The following ADAMTS17 variants were observed in gnomAD, a reference collection of about 807,000 sequenced individuals.
ADAMTS17 encodes the protein A disintegrin and metalloproteinase with thrombospondin motifs 17.
ADAMTS17 carries 113 observed loss-of-function variants against 141.5 expected under a neutral mutation model. The ratio of observed to expected loss-of-function variants is 0.80; its 90% CI spans 0.69 to 0.93. The LOEUF is 0.93. ADAMTS17 is among the 40% of genes least tolerant of loss of function. ADAMTS17 has a pLI of 0.00. For missense variants in ADAMTS17, 1,659 were observed against 1,517.9 expected (o/e 1.09, Z -1.54); for synonymous variants, 768 against 630.6 (o/e 1.22, Z -3.27).
intron 3 of ADAMTS17, among the ~76,000 whole-genome samples, chr15:100,288,751 C>T (rs2044531752): frequency 1.3e-5 from 2 of 152,068 alleles, no homozygotes; most frequent in South Asian, 4.1e-4. Flanking sequence ...ATTAAACAAG[C>T]TGCACCTGGA....
intron 7 of ADAMTS17, among the ~76,000 whole-genome samples, chr15:100,246,867 T>TTA: frequency 6.8e-6 from 1 of 146,596 alleles, no homozygotes; most frequent in Non-Finnish European, 1.5e-5. Context: ...GCCCTTTTAT[T>TTA]TTTATTTATT....
intron 3 of ADAMTS17, among the ~76,000 whole-genome samples, chr15:100,327,569 T>C (rs1034146931): frequency 6.6e-6 from 1 of 152,220 alleles, no homozygotes; most frequent in Admixed American, 6.5e-5. Flanking sequence ...GGAAGATTCA[T>C]AGTTACTTAA....
intron 8 of ADAMTS17, among the ~76,000 whole-genome samples, chr15:100,198,380 C>G (rs2041199923): frequency 6.6e-6 from 1 of 152,188 alleles, no homozygotes; most frequent in Non-Finnish European, 1.5e-5. Flanking sequence ...TAAACACTGA[C>G]TTTACTCTCG....
chr15:100,088,192 A>G (rs1011313056), intron 15 of ADAMTS17, among the ~76,000 whole-genome samples: 2 of 152,174 alleles, frequency 1.3e-5, no homozygotes, highest in South Asian at 2.1e-4. Context: ...TTATACACCA[A>G]TAACAGACAA....
At chr15:100,291,231 T>C (rs1237258646) in intron 3 of ADAMTS17, among the ~76,000 whole-genome samples, 1 of 152,150 alleles carries the variant, frequency 6.6e-6, no homozygotes, top group Non-Finnish European at 1.5e-5. Context: ...ACGTGGCCAA[T>C]AACCATATGA....
intron 4 of ADAMTS17, among the ~76,000 whole-genome samples, chr15:100,265,255 G>A (rs894772282): frequency 5.9e-5 from 9 of 152,158 alleles, no homozygotes; most frequent in African/African-American, 7.2e-5. Context: ...ACAATCCGAC[G>A]ACAGCCACAA....
chr15:100,125,045 G>T (rs1012039474), intron 12 of ADAMTS17, among the ~76,000 whole-genome samples: 1 of 152,218 alleles, frequency 6.6e-6, no homozygotes, highest in African/African-American at 2.4e-5. Flanking sequence ...AGACAGACCA[G>T]AAGATAAAGT....
At chr15:100,096,849 T>G (rs2035792162) in intron 14 of ADAMTS17, among the ~76,000 whole-genome samples, 1 of 152,322 alleles carries the variant, frequency 6.6e-6, no homozygotes. Flanking sequence ...GCAGCCACAA[T>G]TTCTCATGAT....
chr15:100,221,738 C>T (rs1259756300), intron 7 of ADAMTS17, among the ~76,000 whole-genome samples: 1 of 152,190 alleles, frequency 6.6e-6, no homozygotes, highest in Non-Finnish European at 1.5e-5. Context: ...GCCTCTGGGA[C>T]AGGTTTGCCG....
At chr15:100,118,032 T>C (rs917168107) in intron 12 of ADAMTS17, among the ~76,000 whole-genome samples, 2 of 152,194 alleles carry the variant, frequency 1.3e-5, no homozygotes, top group Admixed American at 1.3e-4. Context: ...CACCCTGTGA[T>C]TGGTGCTTTA....
chr15:100,005,404 CTG>C (rs1165345370), intron 18 of ADAMTS17, among the ~76,000 whole-genome samples: 2 of 152,196 alleles, frequency 1.3e-5, no homozygotes, highest in Non-Finnish European at 2.9e-5. Flanking sequence ...AGGGAAGAAT[CTG>C]TCTCCTGCCT....
chr15:100,275,046 A>G (rs1374825955), intron 4 of ADAMTS17, among the ~76,000 whole-genome samples: 3 of 152,302 alleles, frequency 2.0e-5, no homozygotes, highest in South Asian at 2.1e-4. Flanking sequence ...ACTACCCAGG[A>G]AAGAGCAGGC....
chr15:100,140,882 T>C (rs1422494025), intron 10 of ADAMTS17, among the ~76,000 whole-genome samples: 1 of 152,076 alleles, frequency 6.6e-6, no homozygotes, highest in Non-Finnish European at 1.5e-5. Flanking sequence ...GCCTGCAGAG[T>C]TCTCCCTGGA....
At chr15:100,166,495 A>G (rs59465230) in intron 8 of ADAMTS17, among the ~76,000 whole-genome samples, 3,190 of 152,174 alleles carry the variant, frequency 0.021, 135 homozygotes, top group East Asian at 0.18. Flanking sequence ...ATGTTTGCAC[A>G]CTGAATACAT....
At chr15:100,208,596 G>A (rs1489906865) in intron 7 of ADAMTS17, among the ~76,000 whole-genome samples, 2 of 152,190 alleles carry the variant, frequency 1.3e-5, no homozygotes, top group Admixed American at 6.5e-5. Flanking sequence ...GGCTGATATT[G>A]TCTTGTTTCT....
At chr15:100,223,992 T>G (rs968594889) in intron 7 of ADAMTS17, among the ~76,000 whole-genome samples, 6 of 152,112 alleles carry the variant, frequency 3.9e-5, no homozygotes, top group Non-Finnish European at 1.5e-5. Context: ...GAGAAAGACG[T>G]AGGCTGGGAG....
At chr15:100,249,357 G>A (rs8023275) in intron 7 of ADAMTS17, among the ~76,000 whole-genome samples, 5,145 of 152,328 alleles carry the variant, frequency 0.034, 288 homozygotes, top group African/African-American at 0.12. Context: ...CCGCCTGGCT[G>A]AAGCACAGTG....
chr15:100,153,575 C>T (rs1304322947), intron 9 of ADAMTS17, among the ~76,000 whole-genome samples: 1 of 152,166 alleles, frequency 6.6e-6, no homozygotes, highest in Non-Finnish European at 1.5e-5. Flanking sequence ...ACTCAGGAGG[C>T]TGAGGTTGCA....
chr15:100,265,653 C>G (rs982740568), intron 4 of ADAMTS17, among the ~76,000 whole-genome samples: 2 of 152,190 alleles, frequency 1.3e-5, no homozygotes, highest in African/African-American at 4.8e-5. Flanking sequence ...CCACGCCAGG[C>G]TGGGCTTCAC....
Sources: allele counts gnomAD v4.1 joint callset (sites outside exome capture counted in the v4.1 genomes callset), GRCh38; gene constraint gnomAD v4.1.1; transcripts MANE v1.5; gene names NCBI Gene and HGNC (gene_info 2026-07-23, HGNC 2026-07-21).